Variants in PITPNC1 observed in about 807,000 individuals in gnomAD.
The protein encoded by PITPNC1 is phosphatidylinositol transfer protein cytoplasmic 1.
Under a neutral mutation model 44.7 loss-of-function variants are expected in PITPNC1, and 18 were observed. That is an observed-to-expected ratio of 0.40 (90% CI 0.28 to 0.60). The LOEUF is 0.60. PITPNC1 is among the 20% of genes least tolerant of loss of function. The pLI is 0.39. For synonymous variants in PITPNC1, 141 were observed against 149.6 expected (o/e 0.94, Z 0.42); for missense variants, 290 against 418.4 (o/e 0.69, Z 2.68).
intron 1 of PITPNC1, among the ~76,000 whole-genome samples, chr17:67,531,702 A>T (rs980441999): frequency 6.6e-6 from 1 of 152,114 alleles, no homozygotes. Flanking sequence ...ATCCCTGCAG[A>T]TTGTTGGGGA....
chr17:67,625,011 C>A (rs1003764500), intron 5 of PITPNC1, among the ~76,000 whole-genome samples: 1 of 152,064 alleles, frequency 6.6e-6, no homozygotes, highest in African/African-American at 2.4e-5. Flanking sequence ...TGTAGCATTT[C>A]TAGGTTCATA....
At chr17:67,409,071 CTTTT>C (rs1159310735) in intron 1 of PITPNC1, among the ~76,000 whole-genome samples, 4 of 80,512 alleles carry the variant, frequency 5.0e-5, no homozygotes, top group African/African-American at 1.0e-4. Flanking sequence ...CAAATTCATT[CTTTT>C]TTTTTTTTTT....
intron 6 of PITPNC1, among the ~76,000 whole-genome samples, chr17:67,667,772 G>T (rs1186992860): frequency 6.6e-6 from 1 of 151,962 alleles, no homozygotes; most frequent in Non-Finnish European, 1.5e-5. Context: ...TCGCGTTCAG[G>T]AGTTCGAGAC....
At chr17:67,664,245 G>A (rs571806579) in intron 6 of PITPNC1, among the ~76,000 whole-genome samples, 16 of 152,262 alleles carry the variant, frequency 1.1e-4, no homozygotes, top group African/African-American at 3.9e-4. Flanking sequence ...GATTACAGGC[G>A]TGAGCCACTG....
chr17:67,462,221 C>CTT (rs1567999130), intron 1 of PITPNC1, among the ~76,000 whole-genome samples: 27 of 86,450 alleles, frequency 3.1e-4, no homozygotes, highest in African/African-American at 7.0e-4. Context: ...CTCTTTCTTT[C>CTT]TTTCTTTTTT....
chr17:67,490,286 A>T (rs184952771), intron 1 of PITPNC1, among the ~76,000 whole-genome samples: 18 of 152,196 alleles, frequency 1.2e-4, no homozygotes, highest in African/African-American at 4.3e-4. Context: ...GTGTGTTATT[A>T]TCTAACCAGG....
At chr17:67,587,601 C>T (rs2041336991) in intron 5 of PITPNC1, among the ~76,000 whole-genome samples, 1 of 152,182 alleles carries the variant, frequency 6.6e-6, no homozygotes, top group South Asian at 2.1e-4. Flanking sequence ...AGAGAAGTTT[C>T]TAGATGCTCC....
chr17:67,478,169 G>A (rs796555343), intron 1 of PITPNC1, among the ~76,000 whole-genome samples: 4 of 152,292 alleles, frequency 2.6e-5, no homozygotes, highest in African/African-American at 7.2e-5. Flanking sequence ...TGAAATGAAG[G>A]CTGTGTGGGC....
At chr17:67,523,534 A>T (rs1598775919) in intron 1 of PITPNC1, among the ~76,000 whole-genome samples, 1 of 151,312 alleles carries the variant, frequency 6.6e-6, no homozygotes, top group South Asian at 2.1e-4. Context: ...ATGTCTTGCG[A>T]GGTATTCTAT....
At chr17:67,596,229 G>T (rs776963322) in intron 5 of PITPNC1, among the ~76,000 whole-genome samples, 1 of 152,100 alleles carries the variant, frequency 6.6e-6, no homozygotes, top group Non-Finnish European at 1.5e-5. Context: ...ACTTAATTTC[G>T]ATCTATGGGT....
chr17:67,438,024 C>T lies in PITPNC1; in HGVS notation c.48+59822C>T, dbSNP rs369366870. ...CGGAGGTTGCAGTGAGCGGAGATCTCGACACTGCACTCCATCCTGGGCGGC... is the reference window on the plus strand; with the variant it reads ...CGGAGGTTGCAGTGAGCGGAGATCTTGACACTGCACTCCATCCTGGGCGGC... On this transcript the variant is annotated intron_variant, in intron 1 of 8. Coordinates refer to ENST00000581322, the MANE Select transcript of PITPNC1 (RefSeq NM_012417.4). Among the ~76,000 whole-genome samples, 745 of 150,672 alleles carry T rather than the reference C, an allele frequency of 4.9e-3. 1 individual carries two copies. Among genetic ancestry groups the T allele is most frequent in the African/African-American group, 0.016 (671 of 41,012 alleles).
rs181926954 is a variant in PITPNC1 at position 67,681,154 on chromosome 17, A to C, written c.682+5612A>C. On this transcript the variant is annotated intron_variant, in intron 8 of 8. Coordinates refer to ENST00000581322, the MANE Select transcript of PITPNC1 (RefSeq NM_012417.4). ...ACTGACTTCTAAAGGCCTTTCAAAC[A>C]TATGATCTTGCCTCCACTTCCTGTG... is the stretch of plus-strand genomic sequence containing the variant. Among the ~76,000 whole-genome samples the C allele has an allele frequency of 1.5e-4, 23 of 152,326 alleles. No individual in the cohort carries two copies. In the East Asian group the frequency reaches 4.4e-3, roughly 29 times the overall value.
At position 67,497,021 on chromosome 17, in the gene PITPNC1, G is replaced by C. The variant is rs1033178760; in HGVS notation, c.49-35781G>C. ...TGTGCCTGTGGTCCCAGCTACTCGG[G>C]AGGCTGAGGTGGGAGGATCGTTTGA... On this transcript the variant is annotated intron_variant, in intron 1 of 8. Transcript: ENST00000581322. 1.4e-4 allele frequency among the ~76,000 whole-genome samples: 21 copies of C among 152,142 alleles called. No homozygotes were observed. The East Asian group carries it at 3.7e-3, about 27-fold the overall frequency.
chr17:67,629,693 C>G (rs1043377619), intron 5 of PITPNC1, among the ~76,000 whole-genome samples: 2 of 152,168 alleles, frequency 1.3e-5, no homozygotes, highest in Admixed American at 6.5e-5. Context: ...GTGTGAGACC[C>G]AGTATTTTAT....
intron 1 of PITPNC1, among the ~76,000 whole-genome samples, chr17:67,504,797 T>A (rs2040079825): frequency 6.6e-6 from 1 of 152,244 alleles, no homozygotes; most frequent in Non-Finnish European, 1.5e-5. Context: ...ACTTGCTTTT[T>A]TTGTTCCGCT....
intron 5 of PITPNC1, among the ~76,000 whole-genome samples, chr17:67,580,655 T>A (rs949895196): frequency 1.3e-5 from 2 of 152,208 alleles, no homozygotes; most frequent in African/African-American, 2.4e-5. Context: ...AAAAATTTTT[T>A]AAATATCTTT....
At chr17:67,654,157 C>G (rs2042238428) in intron 6 of PITPNC1, among the ~76,000 whole-genome samples, 1 of 152,318 alleles carries the variant, frequency 6.6e-6, no homozygotes, top group African/African-American at 2.4e-5. Context: ...GACATTGGTA[C>G]TGAGCACTGA....
chr17:67,415,770 A>G (rs1167531307), intron 1 of PITPNC1, among the ~76,000 whole-genome samples: 2 of 152,262 alleles, frequency 1.3e-5, no homozygotes, highest in South Asian at 2.1e-4. Context: ...GCTTTATAGC[A>G]TTTTCTGAAG....
intron 6 of PITPNC1, among the ~76,000 whole-genome samples, chr17:67,657,003 G>T (rs2042276568): frequency 6.6e-6 from 1 of 152,130 alleles, no homozygotes; most frequent in Admixed American, 6.6e-5. Context: ...GTGAGAAAAT[G>T]AGAAAGAAAA....
Sources: gnomAD v4.1 joint callset for allele counts (sites outside exome capture counted in the v4.1 genomes callset) on GRCh38, gnomAD v4.1.1 for gene constraint, MANE v1.5 for transcripts, NCBI Gene and HGNC (gene_info 2026-07-23, HGNC 2026-07-21) for gene names.